The following OTOGL variants were observed in gnomAD, a reference collection of about 807,000 sequenced individuals.
OTOGL encodes otogelin like.
Under a neutral mutation model 318.5 loss-of-function variants are expected in OTOGL, and 285 were observed. That is an observed-to-expected ratio of 0.89 (90% CI 0.81 to 0.99). OTOGL has a LOEUF of 0.99. Among genes scored for constraint, OTOGL ranks in the 50% least tolerant of loss-of-function variants. The pLI is 0.00. For missense variants in OTOGL, 2,899 were observed against 2,845.6 expected, an observed-to-expected ratio of 1.02 and a Z score of -0.43; for synonymous variants, 987 against 936.5, an observed-to-expected ratio of 1.05 and a Z score of -0.99.
chr12:80,221,412 G>A (rs879401830), intron 6 of OTOGL, among the ~76,000 whole-genome samples: 8 of 151,784 alleles, frequency 5.3e-5, no homozygotes, highest in Non-Finnish European at 1.0e-4. Context: ...TTACAGATGC[G>A]TGCCACCCCA....
chr12:80,345,913 A>G (rs1246134616), intron 44 of OTOGL, among the ~76,000 whole-genome samples: 2 of 152,190 alleles, frequency 1.3e-5, no homozygotes, highest in Non-Finnish European at 2.9e-5. Flanking sequence ...ATGATGATTC[A>G]GTGATAACTC....
chr12:80,370,712 G>T, intron 56 of OTOGL, 23 bp downstream of exon 56: 1 of 1,473,154 alleles, frequency 6.8e-7, no homozygotes, highest in Admixed American at 2.1e-5. Context: ...TTGTATCTAA[G>T]AAAATTTATT....
At chr12:80,336,337 A>T in intron 39 of OTOGL, 76 bp from the exon 40 acceptor site, 1 of 1,422,490 alleles carries the variant, frequency 7.0e-7, no homozygotes, top group Non-Finnish European at 9.3e-7. Context: ...AATTTAACAG[A>T]TTTTTTTAAA....
rs542088425 is a variant in OTOGL at position 80,258,507 on chromosome 12, G to T, written c.1889+505G>T. On this transcript the variant is annotated intron_variant, in intron 18 of 58. Transcript: ENST00000547103. ...TATTATCTTGCTAGATACTGTGATT[G>T]TTGGTGTTTCATTGGAAAAGAAGCA... 4.6e-5 allele frequency among the ~76,000 whole-genome samples: 7 copies of T among 152,212 alleles called. No individual in the cohort carries two copies. In the East Asian group the frequency reaches 1.4e-3, roughly 29 times the overall value.
rs75633100 is a variant in OTOGL at position 80,255,376 on chromosome 12, A to G, written c.1587+191A>G. On this transcript the variant is annotated intron_variant, in intron 16 of 58. Transcript: ENST00000547103. ...GTTGATAATTATTCTATGACATACC[A>G]TTGGTTACATGACGCATCTTGATCT... 0.044 allele frequency among the ~76,000 whole-genome samples: 6,687 copies of G among 152,114 alleles called. 495 individuals are homozygous for G. Among genetic ancestry groups the G allele is most frequent in the African/African-American group, 0.15 (6,367 of 41,522 alleles).
intron 44 of OTOGL, among the ~76,000 whole-genome samples, chr12:80,351,752 C>A (rs549103588): frequency 6.6e-6 from 1 of 152,102 alleles, no homozygotes; most frequent in East Asian, 1.9e-4. Context: ...TCACATGCTG[C>A]ATTATTTATA....
chr12:80,219,326 G>T (rs771766341), intron 5 of OTOGL, among the ~76,000 whole-genome samples: 1 of 152,172 alleles, frequency 6.6e-6, no homozygotes, highest in Non-Finnish European at 1.5e-5. Context: ...TGGCCAGGCT[G>T]GTCTCGAACT....
chr12:80,275,284 T>C (rs914295562), intron 24 of OTOGL, among the ~76,000 whole-genome samples: 6 of 151,952 alleles, frequency 3.9e-5, no homozygotes, highest in African/African-American at 1.4e-4. Flanking sequence ...AAGTTTATTC[T>C]AACCCTCACG....
At chr12:80,355,219 TCTTTC>T (rs1889796894) in intron 46 of OTOGL, among the ~76,000 whole-genome samples, 1 of 86,572 alleles carries the variant, frequency 1.2e-5, no homozygotes, top group Non-Finnish European at 2.1e-5. Context: ...TTTCTTTCTT[TCTTTC>T]TTTTCTTTTT....
intron 19 of OTOGL, among the ~76,000 whole-genome samples, chr12:80,263,967 A>G (rs1008924446): frequency 2.6e-5 from 4 of 152,118 alleles, no homozygotes; most frequent in Non-Finnish European, 4.4e-5. Flanking sequence ...TTTTATATAC[A>G]TATACATTCT....
intron 19 of OTOGL, among the ~76,000 whole-genome samples, chr12:80,262,834 T>C (rs991553514): frequency 3.3e-5 from 5 of 152,204 alleles, no homozygotes; most frequent in African/African-American, 1.2e-4. Flanking sequence ...AAAATTAATG[T>C]ACATGCTTAA....
In OTOGL at chr12:80,323,833, C is replaced by A. The variant is rs778843265; in HGVS notation, c.4192C>A (p.Leu1398Ile). 5.6e-6 allele frequency: 9 copies of A among 1,607,548 alleles called. No homozygotes were observed. Among genetic ancestry groups the A allele is most frequent in the Non-Finnish European group, 7.7e-6 (9 of 1,174,078 alleles). Residue 1398 changes from leucine (L) to isoleucine (I), a missense_variant, in exon 35 of 59, where the codon CTT becomes ATT. Transcript: ENST00000547103. The part of the protein sequence containing the change: ...SDPEALACKF[L>I]PPVEGCLPYC... Reference sequence around the variant, plus strand: ...CCCTGAAGCACTAGCATGTAAATTTCTTCCACCGTAAGTAACGTTTACCAA... The same window carrying A: ...CCCTGAAGCACTAGCATGTAAATTTATTCCACCGTAAGTAACGTTTACCAA...
At chr12:80,341,770 C>A (rs1225096083) in intron 43 of OTOGL, among the ~76,000 whole-genome samples, 178 bp from the exon 44 acceptor site, 2 of 152,046 alleles carry the variant, frequency 1.3e-5, no homozygotes, top group Non-Finnish European at 1.5e-5. Context: ...ACTATTTTAT[C>A]AAAAAATTAG....
chr12:80,290,473 AT>A (rs1884971922), intron 26 of OTOGL, among the ~76,000 whole-genome samples: 1 of 152,096 alleles, frequency 6.6e-6, no homozygotes, highest in Admixed American at 6.5e-5. Context: ...GATTTTAATT[AT>A]TTTTGAAATT....
At chr12:80,169,891 A>C (rs1358735426) in intron 1 of OTOGL, among the ~76,000 whole-genome samples, 1 of 152,184 alleles carries the variant, frequency 6.6e-6, no homozygotes, top group Non-Finnish European at 1.5e-5. Flanking sequence ...TGGATCACCA[A>C]AATTTTCTTA....
intron 9 of OTOGL, among the ~76,000 whole-genome samples, chr12:80,235,465 C>A (rs541385480): frequency 9.6e-4 from 25 of 26,170 alleles, no homozygotes; most frequent in African/African-American, 3.4e-3. Context: ...AAGACTCTGT[C>A]TCAAAAAAAA....
At chr12:80,129,152 G>A (rs1363089206) in intron 1 of OTOGL, among the ~76,000 whole-genome samples, 5 of 152,174 alleles carry the variant, frequency 3.3e-5, no homozygotes, top group Admixed American at 2.0e-4. Flanking sequence ...GCTGTAGACC[G>A]GAGCTGTTCC....
At chr12:80,188,551 T>A (rs867316675) in intron 1 of OTOGL, among the ~76,000 whole-genome samples, 2,783 of 146,892 alleles carry the variant, frequency 0.019, 71 homozygotes, top group African/African-American at 0.048. Flanking sequence ...AAAAAAATAA[T>A]AATAATAATA....
At chr12:80,161,095 G>C (rs1873486648) in intron 1 of OTOGL, among the ~76,000 whole-genome samples, 1 of 151,970 alleles carries the variant, frequency 6.6e-6, no homozygotes. Context: ...GGCTGGGAAG[G>C]GGGTGAGGGA....
Sources: gnomAD v4.1 joint callset for allele counts (sites outside exome capture counted in the v4.1 genomes callset) on GRCh38, gnomAD v4.1.1 for gene constraint, MANE v1.5 for transcripts, NCBI Gene and HGNC (gene_info 2026-07-23, HGNC 2026-07-21) for gene names.